The following DRC8 variants were observed in gnomAD, a reference collection of about 807,000 sequenced individuals.
The protein encoded by DRC8 is dynein regulatory complex protein 8.
At chr1:245,010,593 A>G in the DRC8 span, among the ~76,000 whole-genome samples, 1 of 152,110 alleles carries the variant, frequency 6.6e-6, no homozygotes, top group Non-Finnish European at 1.5e-5. Flanking sequence ...TCATCTGGCC[A>G]CACTGAGAGA....
the DRC8 span, among the ~76,000 whole-genome samples, chr1:245,105,891 A>T: frequency 6.6e-6 from 1 of 152,176 alleles, no homozygotes; most frequent in African/African-American, 2.4e-5. Flanking sequence ...CGCCTGGGCA[A>T]CAAAGTGAGA....
the DRC8 span, among the ~76,000 whole-genome samples, chr1:245,073,432 G>A: frequency 3.9e-5 from 6 of 152,204 alleles, no homozygotes; most frequent in African/African-American, 7.2e-5. Context: ...TACTGCGCCC[G>A]GCCAGCTTCA....
At chr1:244,998,322 C>T in the DRC8 span, among the ~76,000 whole-genome samples, 1 of 152,172 alleles carries the variant, frequency 6.6e-6, no homozygotes, top group Non-Finnish European at 1.5e-5. Flanking sequence ...AATCATCCCA[C>T]CTCAGCCTCC....
At chr1:244,983,910 T>C in the DRC8 span, among the ~76,000 whole-genome samples, 1 of 152,146 alleles carries the variant, frequency 6.6e-6, no homozygotes, top group African/African-American at 2.4e-5. Context: ...AAGGATTTTT[T>C]TTTTGACCCA....
chr1:245,017,417 C>T, the DRC8 span: 1 of 1,277,458 alleles, frequency 7.8e-7, no homozygotes, highest in Non-Finnish European at 1.1e-6. Context: ...TTACACTGTA[C>T]CTTGGATTTA....
At chr1:245,005,495 C>T in the DRC8 span, among the ~76,000 whole-genome samples, 20 of 151,752 alleles carry the variant, frequency 1.3e-4, no homozygotes, top group African/African-American at 3.6e-4. Context: ...GGATTACAGG[C>T]GCACACCACC....
At chr1:245,018,264 T>C in the DRC8 span, among the ~76,000 whole-genome samples, 1 of 150,674 alleles carries the variant, frequency 6.6e-6, no homozygotes, top group Non-Finnish European at 1.5e-5. Flanking sequence ...GAAACCATCC[T>C]TTCAGGAGGC....
At chr1:245,019,940 G>C in the DRC8 span, among the ~76,000 whole-genome samples, 2 of 152,172 alleles carry the variant, frequency 1.3e-5, no homozygotes, top group Admixed American at 6.5e-5. Flanking sequence ...ACTCCAGCCT[G>C]GGCGACTAAG....
At chr1:245,009,436 A>G in the DRC8 span, among the ~76,000 whole-genome samples, 1 of 150,076 alleles carries the variant, frequency 6.7e-6, no homozygotes, top group Non-Finnish European at 1.5e-5. Flanking sequence ...TAATTAACCA[A>G]TATAACTTGG....
the DRC8 span, among the ~76,000 whole-genome samples, chr1:245,056,426 G>T: frequency 1.3e-5 from 2 of 152,170 alleles, no homozygotes; most frequent in Non-Finnish European, 2.9e-5. Context: ...CTCCTGAGTA[G>T]CTGGGAGTGT....
chr1:245,050,334 A>G, the DRC8 span, among the ~76,000 whole-genome samples: 1 of 151,918 alleles, frequency 6.6e-6, no homozygotes, highest in Non-Finnish European at 1.5e-5. Context: ...TCCTGACCTC[A>G]GGTGATCTGC....
chr1:244,985,105 A>T, the DRC8 span, among the ~76,000 whole-genome samples: 10 of 123,280 alleles, frequency 8.1e-5, no homozygotes, highest in Admixed American at 4.3e-4. Flanking sequence ...TTTTCTGATT[A>T]CATGTGTGGT....
chr1:245,060,628 A>G, the DRC8 span, among the ~76,000 whole-genome samples: 1 of 152,256 alleles, frequency 6.6e-6, no homozygotes, highest in African/African-American at 2.4e-5. Context: ...GTGTTTCTGC[A>G]CAAAGCTGGA....
the DRC8 span, among the ~76,000 whole-genome samples, chr1:245,094,316 T>C: frequency 3.3e-5 from 5 of 152,192 alleles, no homozygotes; most frequent in African/African-American, 1.2e-4. Flanking sequence ...ATATCTTCAA[T>C]TCGAGGTTAC....
chr1:245,060,143 G>A, the DRC8 span, among the ~76,000 whole-genome samples: 2 of 152,200 alleles, frequency 1.3e-5, no homozygotes, highest in African/African-American at 4.8e-5. Flanking sequence ...TGGCAAAGGG[G>A]ATAACAGGAG....
chr1:245,008,855 G>A, the DRC8 span, among the ~76,000 whole-genome samples: 10 of 150,762 alleles, frequency 6.6e-5, no homozygotes, highest in Admixed American at 6.0e-4. Context: ...AAAAAATTTT[G>A]TGTGTGTGTG....
chr1:245,061,113 G>A, the DRC8 span, among the ~76,000 whole-genome samples: 404 of 152,354 alleles, frequency 2.7e-3, 1 homozygote, highest in African/African-American at 9.2e-3. Flanking sequence ...GAAGATCTGA[G>A]TTCAAACTCC....
At chr1:245,069,793 G>C in the DRC8 span, among the ~76,000 whole-genome samples, 1 of 152,238 alleles carries the variant, frequency 6.6e-6, no homozygotes, top group Non-Finnish European at 1.5e-5. Flanking sequence ...AATAGTTTCA[G>C]CTACTCGGGA....
the DRC8 span, among the ~76,000 whole-genome samples, chr1:245,106,289 A>T: frequency 6.6e-6 from 1 of 152,182 alleles, no homozygotes; most frequent in Non-Finnish European, 1.5e-5. Flanking sequence ...TCTCTCTGGG[A>T]GGAAGTGAAG....
Sources: gnomAD v4.1 joint callset for allele counts (sites outside exome capture counted in the v4.1 genomes callset) on GRCh38, gnomAD v4.1.1 for gene constraint, MANE v1.5 for transcripts, NCBI Gene and HGNC (gene_info 2026-07-23, HGNC 2026-07-21) for gene names.